The following NELL1 variants were observed in gnomAD, a reference collection of about 807,000 sequenced individuals.
NELL1 encodes the protein neural EGFL like 1.
NELL1 carries 76 observed loss-of-function variants against 107.4 expected under a neutral mutation model. That is an observed-to-expected ratio of 0.71 (90% CI 0.59 to 0.86). The LOEUF (loss-of-function observed/expected upper bound fraction) is 0.86. Ranked by LOEUF, NELL1 falls within the 40% of genes least tolerant of loss-of-function variation. The pLI is 0.00. For synonymous variants in NELL1, 353 were observed against 341.2 expected (o/e 1.03, Z -0.38); for missense variants, 1,024 against 1,005.5 (o/e 1.02, Z -0.25).
chr11:21,372,161 G>T (rs192837532), intron 15 of NELL1, among the ~76,000 whole-genome samples: 1 of 151,834 alleles, frequency 6.6e-6, no homozygotes, highest in Non-Finnish European at 1.5e-5. Flanking sequence ...TTTGCGCAGC[G>T]CAAGAGAATT....
intron 15 of NELL1, among the ~76,000 whole-genome samples, chr11:21,463,879 G>A (rs1268373876): frequency 6.6e-6 from 1 of 152,142 alleles, no homozygotes; most frequent in African/African-American, 2.4e-5. Context: ...TGACTTGAAT[G>A]GCTGAAGCTG....
At chr11:21,004,019 A>G (rs1252377441) in intron 12 of NELL1, among the ~76,000 whole-genome samples, 4 of 152,282 alleles carry the variant, frequency 2.6e-5, no homozygotes, top group South Asian at 2.1e-4. Context: ...CTCTTCCTCA[A>G]CTTCTCTGCC....
intron 14 of NELL1, among the ~76,000 whole-genome samples, chr11:21,232,159 A>AAAATATATATAT (rs1554985116): frequency 2.0e-4 from 15 of 73,192 alleles, no homozygotes; most frequent in Non-Finnish European, 3.9e-4. Context: ...AAAAAAAAAA[A>AAAATATATATAT]ATATATATAT....
At chr11:21,232,510 T>C (rs1013822715) in intron 14 of NELL1, among the ~76,000 whole-genome samples, 1 of 152,182 alleles carries the variant, frequency 6.6e-6, no homozygotes, top group African/African-American at 2.4e-5. Context: ...TGGCAGTTTA[T>C]GGCCTTCTGC....
At chr11:21,137,186 T>A (rs149441406) in intron 13 of NELL1, among the ~76,000 whole-genome samples, 15 of 152,262 alleles carry the variant, frequency 9.9e-5, no homozygotes, top group Non-Finnish European at 2.2e-4. Flanking sequence ...GAAATAGAGA[T>A]GTGAATCATC....
intron 12 of NELL1, among the ~76,000 whole-genome samples, chr11:20,999,692 T>C (rs1306094499): frequency 1.3e-5 from 2 of 150,768 alleles, no homozygotes; most frequent in African/African-American, 5.0e-5. Flanking sequence ...TTCTAAAAAG[T>C]TCATTATATA....
chr11:21,403,748 A>T (rs1388691264), intron 15 of NELL1, among the ~76,000 whole-genome samples: 1 of 151,814 alleles, frequency 6.6e-6, no homozygotes, highest in Non-Finnish European at 1.5e-5. Flanking sequence ...TATCAGAAAA[A>T]AAAGGAAGAA....
At chr11:21,140,108 G>A (rs944126965) in intron 13 of NELL1, among the ~76,000 whole-genome samples, 2 of 152,080 alleles carry the variant, frequency 1.3e-5, no homozygotes, top group African/African-American at 4.8e-5. Context: ...ACTAAACACC[G>A]TGACTGGCAG....
chr11:20,712,551 T>C (rs1257033645), intron 2 of NELL1, among the ~76,000 whole-genome samples: 3 of 152,212 alleles, frequency 2.0e-5, no homozygotes, highest in Non-Finnish European at 4.4e-5. Flanking sequence ...TTATAGAACC[T>C]GTTTTGTCAT....
intron 15 of NELL1, among the ~76,000 whole-genome samples, chr11:21,418,009 C>T (rs924887733): frequency 2.0e-5 from 3 of 152,066 alleles, no homozygotes; most frequent in Non-Finnish European, 4.4e-5. Context: ...TTTACATACA[C>T]TGGCTAAATG....
At chr11:20,966,112 C>T (rs183785088) in intron 12 of NELL1, among the ~76,000 whole-genome samples, 23 of 152,218 alleles carry the variant, frequency 1.5e-4, no homozygotes, top group African/African-American at 3.6e-4. Context: ...TGCTTTAGTT[C>T]GTTCATGCCG....
intron 2 of NELL1, among the ~76,000 whole-genome samples, chr11:20,743,607 C>G (rs1199121902): frequency 6.6e-6 from 1 of 152,180 alleles, no homozygotes; most frequent in Non-Finnish European, 1.5e-5. Flanking sequence ...TATCCTGCTT[C>G]AGTCCTTGCC....
chr11:20,937,309 G>T (rs1346803243), intron 9 of NELL1, among the ~76,000 whole-genome samples: 4 of 152,132 alleles, frequency 2.6e-5, no homozygotes, highest in Non-Finnish European at 5.9e-5. Context: ...TCTCACATGT[G>T]TATTTCTCAC....
intron 14 of NELL1, among the ~76,000 whole-genome samples, chr11:21,303,735 A>C (rs527570669): frequency 9.2e-5 from 14 of 152,216 alleles, no homozygotes; most frequent in African/African-American, 3.4e-4. Flanking sequence ...ACTATTCACG[A>C]TAGCAAAGTT....
At chr11:20,736,085 A>T (rs1472589058) in intron 2 of NELL1, among the ~76,000 whole-genome samples, 1 of 152,146 alleles carries the variant, frequency 6.6e-6, no homozygotes, top group Non-Finnish European at 1.5e-5. Flanking sequence ...AGTATACTTG[A>T]AGATGCAAAG....
At chr11:20,767,600 A>G (rs1306736856) in intron 2 of NELL1, among the ~76,000 whole-genome samples, 2 of 152,224 alleles carry the variant, frequency 1.3e-5, no homozygotes, top group Non-Finnish European at 2.9e-5. Context: ...CACTCGACCC[A>G]GGAAGTCTAG....
At chr11:21,271,223 C>T (rs1848732396) in intron 14 of NELL1, among the ~76,000 whole-genome samples, 1 of 151,848 alleles carries the variant, frequency 6.6e-6, no homozygotes, top group Non-Finnish European at 1.5e-5. Flanking sequence ...TTGAAAAGAT[C>T]AACAAAATTG....
chr11:20,684,015 C>A (rs913005812), intron 2 of NELL1, among the ~76,000 whole-genome samples: 3 of 141,184 alleles, frequency 2.1e-5, no homozygotes, highest in Non-Finnish European at 4.6e-5. Flanking sequence ...TTTTTCTGTT[C>A]GTTCTTTTTT....
intron 4 of NELL1, among the ~76,000 whole-genome samples, chr11:20,871,427 T>C (rs1849194822): frequency 6.6e-6 from 1 of 152,190 alleles, no homozygotes; most frequent in African/African-American, 2.4e-5. Context: ...TATAATATTA[T>C]TTTCAAAATA....
Sources: gnomAD v4.1 joint callset for allele counts (sites outside exome capture counted in the v4.1 genomes callset) on GRCh38, gnomAD v4.1.1 for gene constraint, MANE v1.5 for transcripts, NCBI Gene and HGNC (gene_info 2026-07-23, HGNC 2026-07-21) for gene names.